GRK5: variants seen among roughly 807,000 people sequenced by gnomAD.
The protein encoded by GRK5 is G protein-coupled receptor kinase 5, also known as g protein-coupled receptor kinase GRK5.
Under a neutral mutation model 78.4 loss-of-function variants are expected in GRK5, and 40 were observed. The observed-to-expected ratio is 0.51, with a 90% CI of 0.40 to 0.66. GRK5 has a LOEUF of 0.66. GRK5 is among the 30% of genes least tolerant of loss of function. The pLI, the probability that GRK5 is intolerant of heterozygous loss-of-function variation, is 0.00. For missense variants in GRK5, 598 were observed against 759.9 expected, an observed-to-expected ratio of 0.79 and a Z score of 2.50; for synonymous variants, 289 against 296.8, an observed-to-expected ratio of 0.97 and a Z score of 0.27.
chr10:119,369,172 A>G (rs894095623), intron 2 of GRK5, among the ~76,000 whole-genome samples: 1 of 152,200 alleles, frequency 6.6e-6, no homozygotes, highest in Non-Finnish European at 1.5e-5. Context: ...GATTTGATGC[A>G]GTCGGTCTGG....
At chr10:119,416,837 A>G (rs1242348889) in intron 4 of GRK5, among the ~76,000 whole-genome samples, 1 of 152,200 alleles carries the variant, frequency 6.6e-6, no homozygotes, top group Non-Finnish European at 1.5e-5. Flanking sequence ...CAAGTGATCC[A>G]CACACCTCGG....
In GRK5 at chr10:119,207,833, A is replaced by C; in HGVS notation, c.-85A>C. On this transcript the variant is annotated 5_prime_UTR_variant, in exon 1 of 16. Coordinates refer to ENST00000392870, the MANE Select transcript of GRK5 (RefSeq NM_005308.3). ...CCCCGGCTCCGGCAGCAGCGGCGGC[A>C]GCCCGAGCAGCGGCAGCAGCAGCGG... is the stretch of plus-strand genomic sequence containing the variant. 7.6e-7 allele frequency: 1 copy of C among 1,317,938 alleles called. No individual in the cohort carries two copies. The highest frequency in any genetic ancestry group is 1.0e-6 in the Non-Finnish European group (1 of 960,468). 81.6% of individuals were successfully genotyped at this position (1,317,938 alleles called of 1,614,324 possible).
At chr10:119,362,335 A>G (rs1175545559) in intron 2 of GRK5, among the ~76,000 whole-genome samples, 3 of 152,362 alleles carry the variant, frequency 2.0e-5, no homozygotes, top group South Asian at 4.1e-4. Context: ...GGGGAACCCC[A>G]GGACACTTGA....
At chr10:119,415,401 G>A (rs866839263) in intron 4 of GRK5, among the ~76,000 whole-genome samples, 10 of 152,148 alleles carry the variant, frequency 6.6e-5, no homozygotes, top group South Asian at 4.1e-4. Flanking sequence ...GAAGCAGGTC[G>A]GGCAGGGTGT....
At chr10:119,280,401 T>C (rs1849743536) in intron 1 of GRK5, among the ~76,000 whole-genome samples, 1 of 152,184 alleles carries the variant, frequency 6.6e-6, no homozygotes, top group South Asian at 2.1e-4. Context: ...TGCAGGAACG[T>C]GAATGTCGGC....
intron 3 of GRK5, among the ~76,000 whole-genome samples, chr10:119,383,554 G>A (rs996998880): frequency 9.2e-5 from 14 of 152,164 alleles, no homozygotes; most frequent in Admixed American, 6.5e-4. Flanking sequence ...TTCTTTTCTC[G>A]CATTAATGTT....
intron 1 of GRK5, among the ~76,000 whole-genome samples, chr10:119,295,058 C>T (rs1223755254): frequency 6.6e-6 from 1 of 151,982 alleles, no homozygotes; most frequent in Non-Finnish European, 1.5e-5. Flanking sequence ...GGCGTGGTGG[C>T]ATGCACCTGT....
intron 12 of GRK5, among the ~76,000 whole-genome samples, chr10:119,446,903 TG>T (rs1853160942): frequency 6.6e-6 from 1 of 152,188 alleles, no homozygotes; most frequent in African/African-American, 2.4e-5. Flanking sequence ...GAAGTGTACA[TG>T]GGATGAATAT....
intron 3 of GRK5, among the ~76,000 whole-genome samples, chr10:119,395,069 A>G (rs1171105834): frequency 2.1e-5 from 3 of 143,896 alleles, no homozygotes; most frequent in Non-Finnish European, 4.5e-5. Flanking sequence ...GTGGGAATCC[A>G]GAGGCCAGCG....
At chr10:119,332,970 C>T (rs1850808842) in intron 2 of GRK5, among the ~76,000 whole-genome samples, 1 of 152,228 alleles carries the variant, frequency 6.6e-6, no homozygotes, top group African/African-American at 2.4e-5. Context: ...ATAACTCCGT[C>T]TGAAGCCATC....
intron 3 of GRK5, among the ~76,000 whole-genome samples, chr10:119,386,773 T>A (rs1007752499): frequency 2.6e-5 from 4 of 152,196 alleles, no homozygotes; most frequent in Admixed American, 6.5e-5. Flanking sequence ...CTGGCGTAAC[T>A]TCTCGTCTAA....
At chr10:119,405,419 A>T (rs1852220098) in intron 4 of GRK5, among the ~76,000 whole-genome samples, 1 of 152,066 alleles carries the variant, frequency 6.6e-6, no homozygotes, top group South Asian at 2.1e-4. Flanking sequence ...TGAAGGGGGA[A>T]GTTACCCATC....
chr10:119,265,693 T>C (rs1450756669), intron 1 of GRK5, among the ~76,000 whole-genome samples: 2 of 152,190 alleles, frequency 1.3e-5, no homozygotes, highest in African/African-American at 4.8e-5. Context: ...TCAACCTCCA[T>C]TGGAGTGAGT....
intron 2 of GRK5, among the ~76,000 whole-genome samples, chr10:119,339,731 A>G (rs1160962464): frequency 6.6e-6 from 1 of 152,188 alleles, no homozygotes; most frequent in Non-Finnish European, 1.5e-5. Context: ...AGTCTCTACT[A>G]AAAATACAAA....
At chr10:119,266,289 C>T (rs1216580920) in intron 1 of GRK5, among the ~76,000 whole-genome samples, 3 of 152,094 alleles carry the variant, frequency 2.0e-5, no homozygotes, top group Non-Finnish European at 2.9e-5. Flanking sequence ...AACCCAGTAT[C>T]TATAAAAACA....
intron 4 of GRK5, among the ~76,000 whole-genome samples, chr10:119,413,066 TCAAA>T (rs904973785): frequency 1.3e-5 from 2 of 152,248 alleles, no homozygotes; most frequent in African/African-American, 2.4e-5. Flanking sequence ...TCCCAGTTGC[TCAAA>T]CAAAGAGGGA....
intron 1 of GRK5, among the ~76,000 whole-genome samples, chr10:119,290,832 C>G (rs1849943353): frequency 6.6e-6 from 1 of 152,142 alleles, no homozygotes; most frequent in Non-Finnish European, 1.5e-5. Context: ...ACATAATCAT[C>G]TCTTCCTTGT....
chr10:119,426,547 G>A (rs1852680262), intron 6 of GRK5, among the ~76,000 whole-genome samples: 1 of 152,196 alleles, frequency 6.6e-6, no homozygotes, highest in Non-Finnish European at 1.5e-5. Flanking sequence ...CCTGCATTGT[G>A]GGCTTGGGCT....
Position 119,448,187 on chromosome 10 carries a change from G to A in GRK5, c.1331G>A (p.Arg444Lys), listed in dbSNP as rs1853194642. 6.3e-7 allele frequency: 1 copy of A among 1,591,144 alleles called. No individual in the cohort carries two copies. Among genetic ancestry groups the A allele is most frequent in the Admixed American group, 1.8e-5 (1 of 55,636 alleles). The change falls in exon 13 of 16, where the codon AGA (arginine) becomes AAA (lysine). Residue 444 changes from arginine (R) to lysine (K), a missense_variant. By Grantham distance (26) the Arg-to-Lys change is conservative (BLOSUM62 2). Transcript: ENST00000392870. ...CQEEGAAEVK[R>K]HPFFRNMNFK... is the part of the protein sequence containing the mutation. Reference sequence around the variant, plus strand: ...GAGGAGGGGGCTGCAGAGGTCAAGAGACACCCCTTCTTCAGGAACATGAAC... The same window carrying A: ...GAGGAGGGGGCTGCAGAGGTCAAGAAACACCCCTTCTTCAGGAACATGAAC...
Sources: allele counts gnomAD v4.1 joint callset (sites outside exome capture counted in the v4.1 genomes callset), GRCh38; gene constraint gnomAD v4.1.1; transcripts MANE v1.5; gene names NCBI Gene and HGNC (gene_info 2026-07-23, HGNC 2026-07-21).